FREM1: variants seen among roughly 807,000 people sequenced by gnomAD.
The protein encoded by FREM1 is FRAS1 related extracellular matrix 1, also known as FRAS1-related extracellular matrix protein 1.
In FREM1, 220 loss-of-function variants were observed where a neutral mutation model predicts 210.1. The ratio of observed to expected loss-of-function variants is 1.05; its 90% CI spans 0.94 to 1.17. FREM1 has a LOEUF of 1.17. Among genes scored for constraint, FREM1 ranks in the 50% most tolerant of loss-of-function variants. The pLI is 0.00. For synonymous variants in FREM1, 1,189 were observed against 980.2 expected (o/e 1.21, Z -3.98); for missense variants, 3,454 against 2,675.5 (o/e 1.29, Z -6.42).
intron 1 of FREM1, among the ~76,000 whole-genome samples, chr9:14,870,212 G>C (rs993758952): frequency 6.6e-6 from 1 of 152,186 alleles, no homozygotes; most frequent in African/African-American, 2.4e-5. Flanking sequence ...GAAGGTTGTA[G>C]AAGAACAAAT....
At chr9:14,866,562 G>C (rs1831559204) in intron 2 of FREM1, among the ~76,000 whole-genome samples, 1 of 152,126 alleles carries the variant, frequency 6.6e-6, no homozygotes, top group African/African-American at 2.4e-5. Context: ...TGCTCAGTTG[G>C]GCATGCATGC....
intron 10 of FREM1, among the ~76,000 whole-genome samples, chr9:14,835,945 A>C (rs1375520892): frequency 2.6e-5 from 4 of 152,200 alleles, no homozygotes; most frequent in Non-Finnish European, 5.9e-5. Flanking sequence ...ATTCCTGTGA[A>C]TCAACTGGTG....
intron 24 of FREM1, among the ~76,000 whole-genome samples, chr9:14,780,700 T>A (rs923921): frequency 6.6e-6 from 1 of 151,904 alleles, no homozygotes. Context: ...ACATTAAAAA[T>A]GGAAGGGGGA....
chr9:14,895,954 A>G (rs1837637996), intron 1 of FREM1, among the ~76,000 whole-genome samples: 1 of 152,094 alleles, frequency 6.6e-6, no homozygotes, highest in African/African-American at 2.4e-5. Flanking sequence ...AACCAGAGTA[A>G]CTCCAACTTG....
intron 12 of FREM1, 138 bp downstream of exon 12, chr9:14,823,887 A>G (rs1821832934): frequency 2.1e-6 from 1 of 475,940 alleles, no homozygotes. Context: ...TAATGGAAAC[A>G]TACAAGTAGC....
chr9:14,756,892 T>C (rs1419230657), intron 28 of FREM1, among the ~76,000 whole-genome samples: 1 of 152,198 alleles, frequency 6.6e-6, no homozygotes, highest in Non-Finnish European at 1.5e-5. Context: ...GTCAGCTAGC[T>C]TGGAGGTATC....
In FREM1 at chr9:14,737,364, C is replaced by T. The variant is rs2131814124; in HGVS notation, c.*32G>A. 4 of 1,554,398 alleles carry T rather than the reference C, an allele frequency of 2.6e-6. No homozygotes were observed. The highest frequency in any genetic ancestry group is 1.4e-5 in the African/African-American group (1 of 73,424). On this transcript the variant is annotated 3_prime_UTR_variant, in exon 37 of 37. Transcript: ENST00000380880. ...ATCCTGTGAATAAATAGGTGACAAA[C>T]TCCAGGTGGCCCCCTGTAGGGTCTG...
At chr9:14,747,509 T>A in intron 32 of FREM1, 81 bp from the exon 33 acceptor site, 1 of 1,411,828 alleles carries the variant, frequency 7.1e-7, no homozygotes, top group East Asian at 2.4e-5. Flanking sequence ...AATTCAAAAA[T>A]TCAGTCAAAG....
rs112896758 is a variant in FREM1, at chr9:14,806,060, A to G, written c.3274+601T>C. 4.5e-3 allele frequency among the ~76,000 whole-genome samples: 689 copies of G among 152,238 alleles called. 4 individuals are homozygous for G. Among genetic ancestry groups the G allele is most frequent in the Non-Finnish European group, 7.3e-3 (495 of 68,006 alleles). On this transcript the variant is annotated intron_variant, in intron 18 of 36. Coordinates refer to ENST00000380880, the MANE Select transcript of FREM1 (RefSeq NM_001379081.2). ...CTCTCTCATGGTATCCTGTGTTGCTATGAGGGCCTTTTAAACCATTCTTTC... is the reference window on the plus strand; with the variant it reads ...CTCTCTCATGGTATCCTGTGTTGCTGTGAGGGCCTTTTAAACCATTCTTTC...
chr9:14,759,881 T>G lies in FREM1; in HGVS notation c.5225A>C (p.His1742Pro). 1 of 1,611,682 alleles carries G rather than the reference T, an allele frequency of 6.2e-7. No individual in the cohort carries two copies. Among genetic ancestry groups the G allele is most frequent in the Non-Finnish European group, 8.5e-7 (1 of 1,178,598 alleles). The change falls in exon 28 of 37, where the codon CAT becomes CCT. Residue 1742 changes from histidine (H) to proline (P), a missense_variant. By Grantham distance (77) the His-to-Pro change is moderately conservative. Transcript: ENST00000380880. ...ATATTCGGTCTGTGACCATTCAATA[T>G]GAGACCACTTCAGTTCCAAACTGTG... ...TPQILELKWS[H>P]IEWSQTEYEV...
intron 22 of FREM1, among the ~76,000 whole-genome samples, chr9:14,790,257 T>C (rs1016102437): frequency 6.6e-6 from 1 of 152,134 alleles, no homozygotes; most frequent in Admixed American, 6.6e-5. Context: ...TGTCCTCCTC[T>C]CTTGCCATTG....
At chr9:14,745,066 G>C (rs1350030589) in intron 35 of FREM1, among the ~76,000 whole-genome samples, 11 of 152,130 alleles carry the variant, frequency 7.2e-5, no homozygotes, top group Admixed American at 3.9e-4. Flanking sequence ...TACATGATGA[G>C]AACACATGGA....
chr9:14,899,758 C>T (rs150263024), intron 1 of FREM1, among the ~76,000 whole-genome samples: 27 of 152,272 alleles, frequency 1.8e-4, no homozygotes, highest in East Asian at 7.7e-4. Flanking sequence ...TTACTGTAGG[C>T]GCAATATCCA....
At position 14,836,721 on chromosome 9, in the gene FREM1, G is replaced by T. The variant is rs180858478; in HGVS notation, c.1881+4726C>A. Among the ~76,000 whole-genome samples, 376 of 152,282 alleles carry T rather than the reference G, an allele frequency of 2.5e-3. 2 individuals are homozygous for T. The highest frequency in any genetic ancestry group is 8.6e-3 in the African/African-American group (357 of 41,554). ...AATGGTGCTGCAAACTGAACCGCAT[G>T]TGGACATGCCATTCTTCCGAGGACC... is the stretch of plus-strand genomic sequence containing the variant. On this transcript the variant is annotated intron_variant, in intron 10 of 36. Coordinates refer to ENST00000380880, the MANE Select transcript of FREM1 (RefSeq NM_001379081.2). The surrounding 1 kb of genome is among the most constrained non-coding windows in gnomAD (Gnocchi z 4.9).
chr9:14,876,349 C>A (rs541578554), intron 1 of FREM1, among the ~76,000 whole-genome samples: 2 of 151,668 alleles, frequency 1.3e-5, no homozygotes, highest in Non-Finnish European at 1.5e-5. Context: ...AGCTTCCTGG[C>A]TGCTTTGTTT....
chr9:14,737,914 G>A (rs760621474), intron 36 of FREM1, among the ~76,000 whole-genome samples: 4 of 152,140 alleles, frequency 2.6e-5, no homozygotes, highest in African/African-American at 4.8e-5. Context: ...GATAATGCAT[G>A]TAAAGCTCTT....
intron 27 of FREM1, 116 bp downstream of exon 27, chr9:14,769,608 T>C (rs1384594938): frequency 8.5e-6 from 9 of 1,056,348 alleles, no homozygotes; most frequent in South Asian, 6.7e-5. Context: ...GCTTGTGAAA[T>C]GGTCTATTAA....
At chr9:14,815,721 C>T (rs1326896967) in intron 15 of FREM1, among the ~76,000 whole-genome samples, 1 of 152,146 alleles carries the variant, frequency 6.6e-6, no homozygotes, top group Non-Finnish European at 1.5e-5. Flanking sequence ...GATCTCGGCT[C>T]ACTGCAACCT....
At position 14,823,218 on chromosome 9, in the gene FREM1, G is replaced by C. The variant is rs955275049; in HGVS notation, c.2279C>G (p.Thr760Ser). 1.1e-5 allele frequency: 17 copies of C among 1,613,888 alleles called. No individual in the cohort carries two copies. Among genetic ancestry groups the C allele is most frequent in the Non-Finnish European group, 1.4e-5 (17 of 1,179,810 alleles). ...AATGTTAAAGCAGATCCCATGCAAAGTACCGCCATGTTGGTTACTGACAGA... is the reference window on the plus strand; with the variant it reads ...AATGTTAAAGCAGATCCCATGCAAACTACCGCCATGTTGGTTACTGACAGA... The part of the protein sequence containing the change: ...TFSVSNQHGG[T>S]LHGICFNITI... The change falls in exon 13 of 37, where the codon ACT becomes AGT. Residue 760 changes from threonine (T) to serine (S), a missense_variant. By Grantham distance (58) the Thr-to-Ser change is moderately conservative. Coordinates refer to ENST00000380880, the MANE Select transcript of FREM1 (RefSeq NM_001379081.2).
Sources: allele counts gnomAD v4.1 joint callset (sites outside exome capture counted in the v4.1 genomes callset), GRCh38; gene constraint gnomAD v4.1.1; non-coding constraint Gnocchi (gnomAD v3.1); transcripts MANE v1.5; gene names NCBI Gene and HGNC (gene_info 2026-07-23, HGNC 2026-07-21).